The following ZFPM1 variants were observed in gnomAD, a reference collection of about 807,000 sequenced individuals.
ZFPM1 encodes the protein zinc finger protein, FOG family member 1.
In ZFPM1, 28 loss-of-function variants were observed where a neutral mutation model predicts 46.3. That is an observed-to-expected ratio of 0.60 (90% CI 0.45 to 0.83). The LOEUF is 0.83. Ranked by LOEUF, ZFPM1 falls within the 40% of genes least tolerant of loss-of-function variation. The pLI, the probability that ZFPM1 is intolerant of heterozygous loss-of-function variation, is 0.00. For missense variants in ZFPM1, 1,878 were observed against 1,432.4 expected (o/e 1.31, Z -5.02); for synonymous variants, 957 against 675.9 (o/e 1.42, Z -6.45).
At chr16:88,490,394 C>T (rs949588229) in intron 3 of ZFPM1, among the ~76,000 whole-genome samples, 16 of 152,228 alleles carry the variant, frequency 1.1e-4, no homozygotes, top group Non-Finnish European at 1.9e-4. Context: ...GGCATATAGC[C>T]GGGAGCAGAT....
At chr16:88,503,393 TTCC>T (rs1567542393) in intron 3 of ZFPM1, among the ~76,000 whole-genome samples, 2 of 122,200 alleles carry the variant, frequency 1.6e-5, no homozygotes, top group African/African-American at 7.2e-5. Context: ...GGGGCCACGG[TTCC>T]TGAGTGCAGG....
At chr16:88,488,921 C>G in intron 2 of ZFPM1, 110 bp from the exon 3 acceptor site, 5 of 1,481,980 alleles carry the variant, frequency 3.4e-6, no homozygotes, top group South Asian at 1.4e-5. Context: ...GCTCTGGGCC[C>G]GAGCTCCCCA....
At chr16:88,464,298 G>T (rs1416215686) in intron 1 of ZFPM1, among the ~76,000 whole-genome samples, 4 of 152,224 alleles carry the variant, frequency 2.6e-5, no homozygotes, top group African/African-American at 7.2e-5. Context: ...GTGCCCCCAG[G>T]CTGCCTGTTT....
At chr16:88,518,505 G>A (rs548898929) in intron 4 of ZFPM1, among the ~76,000 whole-genome samples, 2 of 151,630 alleles carry the variant, frequency 1.3e-5, no homozygotes, top group Admixed American at 1.3e-4. Context: ...GTAGGTAGAT[G>A]GATTGACAGC....
chr16:88,463,595 A>G (rs1363293588), intron 1 of ZFPM1, among the ~76,000 whole-genome samples: 1 of 152,246 alleles, frequency 6.6e-6, no homozygotes, highest in Non-Finnish European at 1.5e-5. Context: ...CAGTGTGCAG[A>G]TGGGGAAACT....
intron 3 of ZFPM1, among the ~76,000 whole-genome samples, chr16:88,508,324 G>A (rs1910771594): frequency 1.3e-5 from 2 of 152,266 alleles, no homozygotes; most frequent in South Asian, 4.2e-4. Flanking sequence ...AGAAGTTGTT[G>A]GACCCCCAGC....
chr16:88,488,379 C>T (rs529663395), intron 2 of ZFPM1, among the ~76,000 whole-genome samples: 24 of 152,354 alleles, frequency 1.6e-4, no homozygotes, highest in Admixed American at 5.9e-4. Context: ...GCGATGGGCG[C>T]GATAACACAG....
In ZFPM1 at chr16:88,533,919, C is replaced by T; in HGVS notation, c.1961C>T (p.Pro654Leu). The change falls in exon 10 of 10, where the codon CCC (proline) becomes CTC (leucine). Residue 654 changes from proline (P) to leucine (L), a missense_variant. Transcript: ENST00000319555. ...GAGGGGGCTGGGGGCGCGGCCACGC[C>T]CGAGGACGGCGCGGGCGGCCGGGGC... ...REEGAGGAAT[P>L]EDGAGGRGSE... The T allele has an allele frequency of 8.3e-7, 1 of 1,206,028 alleles. No individual in the cohort carries two copies. Among genetic ancestry groups the T allele is most frequent in the Non-Finnish European group, 1.0e-6 (1 of 953,290 alleles). The allele number at this position is 1,206,028 out of a possible 1,614,324, so 74.7% of individuals were successfully genotyped here. A position where few individuals can be genotyped will look rare whatever the true frequency, so the allele number is the denominator to read the frequency against.
Position 88,526,840 on chromosome 16 carries a change from G to T in ZFPM1, c.429G>T (p.Val143=). 1 of 1,561,324 alleles carries T rather than the reference G, an allele frequency of 6.4e-7. No individual in the cohort carries two copies. The highest frequency in any genetic ancestry group is 2.4e-5 in the East Asian group (1 of 41,880). The change falls in exon 5 of 10, where the codon GTG becomes GTT. Residue 143 remains valine (V), a synonymous_variant. Transcript: ENST00000319555. ...GCCCAGCCCTGACCCTGCTGCTGGT[G>T]GACGAGGCCTGCTGGCTGAGGACGC... ...EPSPALTLLL[V]DEACWLRTLP...
intron 3 of ZFPM1, among the ~76,000 whole-genome samples, chr16:88,501,126 G>GGTGCGGGGGCCCTCCCGC: frequency 6.9e-6 from 1 of 145,580 alleles, no homozygotes; most frequent in Admixed American, 6.8e-5. Flanking sequence ...AGCAGACATG[G>GGTGCGGGGGCCCTCCCGC]ATGCGGGGGC....
chr16:88,452,690 G>C (rs1907328301), upstream of ZFPM1, among the ~76,000 whole-genome samples: 1 of 152,280 alleles, frequency 6.6e-6, no homozygotes. Context: ...CGCACGTGGA[G>C]CGTGCGGCAG....
chr16:88,481,801 C>T (rs1482681349), intron 1 of ZFPM1, among the ~76,000 whole-genome samples: 3 of 152,140 alleles, frequency 2.0e-5, no homozygotes, highest in African/African-American at 7.2e-5. Flanking sequence ...TGGGTGGGGG[C>T]GGTTAAGGGT....
At chr16:88,479,163 C>T (rs1364385778) in intron 1 of ZFPM1, among the ~76,000 whole-genome samples, 1 of 152,182 alleles carries the variant, frequency 6.6e-6, no homozygotes, top group East Asian at 1.9e-4. Flanking sequence ...AGGGTGTGGG[C>T]GGTGAGTCCC....
At chr16:88,453,826 C>G in intron 1 of ZFPM1, 148 bp downstream of exon 1, 1 of 433,826 alleles carries the variant, frequency 2.3e-6, no homozygotes, top group Non-Finnish European at 3.1e-6. Context: ...GCCAAGCGCG[C>G]CGTAATCTAA....
chr16:88,466,429 G>A (rs974254207), intron 1 of ZFPM1, among the ~76,000 whole-genome samples: 4 of 152,218 alleles, frequency 2.6e-5, no homozygotes, highest in South Asian at 4.1e-4. Flanking sequence ...TTAGAGTCTA[G>A]CCGAGGTCAG....
chr16:88,511,533 C>G (rs2142424353), intron 3 of ZFPM1, among the ~76,000 whole-genome samples: 1 of 152,308 alleles, frequency 6.6e-6, no homozygotes, highest in Non-Finnish European at 1.5e-5. Flanking sequence ...CCAGGCCCCT[C>G]ACCCTCACTC....
intron 2 of ZFPM1, among the ~76,000 whole-genome samples, chr16:88,487,640 C>A (rs1909307705): frequency 6.6e-6 from 1 of 152,116 alleles, no homozygotes; most frequent in Non-Finnish European, 1.5e-5. Context: ...GTGGGGACCC[C>A]CACCCCAGCA....
At chr16:88,483,853 G>A (rs1044682147) in intron 1 of ZFPM1, among the ~76,000 whole-genome samples, 8 of 152,238 alleles carry the variant, frequency 5.3e-5, no homozygotes, top group Non-Finnish European at 7.3e-5. Flanking sequence ...GTCCAAACGC[G>A]CAGAAAATCC....
rs1403544056 is a variant in ZFPM1 at position 88,497,712 on chromosome 16, G to A, written c.268+8559G>A. ...CGGCAGCTGCTGTGAGGCGGGAGGA[G>A]GGCTCTGTCCACTATTTCCTGCCTG... On this transcript the variant is annotated intron_variant, in intron 3 of 9. Coordinates refer to ENST00000319555, the MANE Select transcript of ZFPM1 (RefSeq NM_153813.3). The surrounding 1 kb of genome is among the most constrained non-coding windows in gnomAD (Gnocchi z 5.4). Among the ~76,000 whole-genome samples, 4 of 152,170 alleles carry A rather than the reference G, an allele frequency of 2.6e-5. No individual in the cohort carries two copies. The highest frequency in any genetic ancestry group is 9.7e-5 in the African/African-American group (4 of 41,440).
Sources: gnomAD v4.1 joint callset for allele counts (sites outside exome capture counted in the v4.1 genomes callset) on GRCh38, gnomAD v4.1.1 for gene constraint, Gnocchi (gnomAD v3.1) non-coding constraint, MANE v1.5 for transcripts, NCBI Gene and HGNC (gene_info 2026-07-23, HGNC 2026-07-21) for gene names.